Variants in WARS2 observed in about 807,000 individuals in gnomAD.
The protein encoded by WARS2 is tryptophanyl tRNA synthetase 2, mitochondrial.
WARS2 carries 28 observed loss-of-function variants against 36.5 expected under a neutral mutation model. That is an observed-to-expected ratio of 0.77 (90% CI 0.57 to 1.05). WARS2 has a LOEUF of 1.05. Ranked by LOEUF, WARS2 falls within the 50% of genes least tolerant of loss-of-function variation. The pLI, the probability that WARS2 is intolerant of heterozygous loss-of-function variation, is 0.00. For synonymous variants in WARS2, 174 were observed against 178.4 expected, an observed-to-expected ratio of 0.98 and a Z score of 0.20; for missense variants, 435 against 456.8, an observed-to-expected ratio of 0.95 and a Z score of 0.44.
At chr1:119,053,596 CCAA>C (rs1029258626) in intron 2 of WARS2, among the ~76,000 whole-genome samples, 1 of 151,982 alleles carries the variant, frequency 6.6e-6, no homozygotes, top group African/African-American at 2.4e-5. Flanking sequence ...GAACTTAGGT[CCAA>C]CAAAATAATA....
chr1:119,125,427 T>G (rs1436619925), intron 1 of WARS2, among the ~76,000 whole-genome samples: 1 of 152,242 alleles, frequency 6.6e-6, no homozygotes, highest in African/African-American at 2.4e-5. Context: ...ACTTGTTGCC[T>G]GTCTCTCCTA....
At chr1:119,123,760 C>T (rs1223426666) in intron 1 of WARS2, among the ~76,000 whole-genome samples, 5 of 152,128 alleles carry the variant, frequency 3.3e-5, no homozygotes, top group African/African-American at 1.2e-4. Flanking sequence ...GGAATGTTCA[C>T]AGGCTTAGTA....
intron 2 of WARS2, among the ~76,000 whole-genome samples, chr1:119,052,177 G>T (rs1649424543): frequency 6.6e-6 from 1 of 152,110 alleles, no homozygotes. Flanking sequence ...AGATATAGCT[G>T]CTAGGTATCA....
At chr1:119,093,164 G>A (rs1653161601) in intron 1 of WARS2, among the ~76,000 whole-genome samples, 1 of 152,004 alleles carries the variant, frequency 6.6e-6, no homozygotes, top group Admixed American at 6.6e-5. Context: ...TTAAGCAAGT[G>A]AGAAGTCTTA....
chr1:119,049,985 C>T (rs1649202498), intron 2 of WARS2, among the ~76,000 whole-genome samples: 1 of 152,202 alleles, frequency 6.6e-6, no homozygotes, highest in Admixed American at 6.5e-5. Flanking sequence ...TAGATCACAT[C>T]ACTCCTCCGC....
intron 1 of WARS2, among the ~76,000 whole-genome samples, chr1:119,088,696 C>A (rs1413422291): frequency 1.5e-4 from 23 of 152,168 alleles, no homozygotes; most frequent in Admixed American, 1.4e-3. Context: ...AGTAGGCATG[C>A]TATCTTCGAT....
intron 1 of WARS2, among the ~76,000 whole-genome samples, chr1:119,131,290 G>A (rs1656074932): frequency 6.6e-6 from 1 of 152,016 alleles, no homozygotes; most frequent in African/African-American, 2.4e-5. Flanking sequence ...AGACAGATAA[G>A]GATAGGAAGA....
At chr1:119,120,845 T>A (rs1266424732) in intron 1 of WARS2, among the ~76,000 whole-genome samples, 2 of 151,972 alleles carry the variant, frequency 1.3e-5, no homozygotes, top group Admixed American at 1.3e-4. Context: ...AATCTAACAT[T>A]CCTTTATGAT....
intron 1 of WARS2, among the ~76,000 whole-genome samples, chr1:119,131,828 C>A (rs895639024): frequency 1.6e-4 from 24 of 151,956 alleles, no homozygotes; most frequent in African/African-American, 5.6e-4. Flanking sequence ...ACAGGCTTCT[C>A]AGCAAGGGAA....
intron 2 of WARS2, among the ~76,000 whole-genome samples, chr1:119,058,564 T>A: frequency 2.4e-5 from 3 of 126,450 alleles, no homozygotes; most frequent in African/African-American, 3.5e-5. Flanking sequence ...CGGTGTTTGG[T>A]TTTTTGTTCT....
At chr1:119,140,509 C>T in intron 1 of WARS2, 46 bp downstream of exon 1, 1 of 1,579,736 alleles carries the variant, frequency 6.3e-7, no homozygotes, top group Non-Finnish European at 8.7e-7. Context: ...ATGAGAAGAA[C>T]CTCGCGGGAT....
chr1:119,033,389 C>A, intron 5 of WARS2, 30 bp from the exon 6 acceptor site: 3 of 1,611,008 alleles, frequency 1.9e-6, no homozygotes, highest in Non-Finnish European at 2.5e-6. Flanking sequence ...ACACACATAC[C>A]CAAAACAAAA....
chr1:119,055,348 C>T (rs767833907), intron 2 of WARS2, among the ~76,000 whole-genome samples: 1 of 152,130 alleles, frequency 6.6e-6, no homozygotes, highest in African/African-American at 2.4e-5. Context: ...CATGGTGGCT[C>T]ATGCCTGTAA....
chr1:119,089,175 C>T lies in WARS2; in HGVS notation c.91-12568G>A, dbSNP rs191216334. On this transcript the variant is annotated intron_variant, in intron 1 of 5. Coordinates refer to ENST00000235521, the MANE Select transcript of WARS2 (RefSeq NM_015836.4). ...CACATTTCTAAAGTTAGTTTCCTGG[C>T]ATAAAATAGTTTACAAAAAAGGGAA... Among the ~76,000 whole-genome samples the T allele has an allele frequency of 1.7e-4, 26 of 152,288 alleles. No individual in the cohort carries two copies. The East Asian group carries it at 3.9e-3, about 23-fold the overall frequency.
intron 1 of WARS2, among the ~76,000 whole-genome samples, chr1:119,077,137 C>CAAAAAAA (rs59753812): frequency 2.1e-5 from 2 of 96,884 alleles, no homozygotes; most frequent in Non-Finnish European, 3.9e-5. Context: ...GACCCCGTCT[C>CAAAAAAA]AAAAAAAAAA....
chr1:119,033,666 C>G (rs1029899518), intron 5 of WARS2, among the ~76,000 whole-genome samples: 4 of 152,138 alleles, frequency 2.6e-5, no homozygotes, highest in African/African-American at 9.7e-5. Flanking sequence ...TCTGAGCACG[C>G]TGAAGGTGGG....
rs1040814523 is a variant in WARS2, at chr1:119,032,303, C to G, written c.*608G>C. 1 of 152,320 alleles carries G rather than the reference C, an allele frequency of 6.6e-6. No homozygotes were observed. The highest frequency in any genetic ancestry group is 2.4e-5 in the African/African-American group (1 of 41,436). The allele number at this position is 152,320 out of a possible 1,614,324, so 9.4% of individuals were successfully genotyped here. On this transcript the variant is annotated 3_prime_UTR_variant, in exon 6 of 6. Coordinates refer to ENST00000235521, the MANE Select transcript of WARS2 (RefSeq NM_015836.4). ...AAATAATGCAACCTCCTTAGAAGAT[C>G]ATATCCCATATCTCTGAATTAAAAA...
At chr1:119,139,164 T>G (rs187084626) in intron 1 of WARS2, among the ~76,000 whole-genome samples, 2 of 152,314 alleles carry the variant, frequency 1.3e-5, no homozygotes, top group African/African-American at 4.8e-5. Context: ...AACCCTCAAA[T>G]TTCAAGGAGA....
intron 2 of WARS2, among the ~76,000 whole-genome samples, chr1:119,069,589 CATCCAAACACAAACTG>C (rs1257271443): frequency 6.6e-6 from 1 of 152,142 alleles, no homozygotes; most frequent in African/African-American, 2.4e-5. Flanking sequence ...GTAATCAGAT[CATCCAAACACAAACTG>C]ATAATAAAAG....
Sources: allele counts gnomAD v4.1 joint callset (sites outside exome capture counted in the v4.1 genomes callset), GRCh38; gene constraint gnomAD v4.1.1; transcripts MANE v1.5; gene names NCBI Gene and HGNC (gene_info 2026-07-23, HGNC 2026-07-21).